Variants in FXYD3 observed in about 807,000 individuals in gnomAD.
FXYD3 encodes FXYD domain-containing ion transport regulator 3.
FXYD3 carries 13 observed loss-of-function variants against 19.2 expected under a neutral mutation model. The observed-to-expected ratio is 0.68, with a 90% CI of 0.44 to 1.08. FXYD3 has a LOEUF of 1.08. Ranked by LOEUF, FXYD3 falls within the 50% of genes least tolerant of loss-of-function variation. The pLI, the probability that FXYD3 is intolerant of heterozygous loss-of-function variation, is 0.00. For missense variants in FXYD3, 101 were observed against 109.4 expected, an observed-to-expected ratio of 0.92 and a Z score of 0.34; for synonymous variants, 48 against 38.9, an observed-to-expected ratio of 1.23 and a Z score of -0.87.
At chr19:35,116,174 A>G in intron 1 of FXYD3, 90 bp from the exon 2 acceptor site, 3 of 980,304 alleles carry the variant, frequency 3.1e-6, no homozygotes, top group Non-Finnish European at 3.6e-6. Flanking sequence ...CCTGCCGCCC[A>G]TGGCTGGGGA....
chr19:35,121,013 C>A, intron 3 of FXYD3, 65 bp from the exon 4 acceptor site: 1 of 1,596,654 alleles, frequency 6.3e-7, no homozygotes, highest in Non-Finnish European at 8.6e-7. Flanking sequence ...CTCCCCAGGC[C>A]CTGCCCAAAG....
intron 2 of FXYD3, chr19:35,119,051 C>T (rs1384846073): frequency 5.5e-6 from 4 of 725,906 alleles, no homozygotes; most frequent in Non-Finnish European, 9.6e-6. Flanking sequence ...GCCTCAGTCT[C>T]CCCATCTGTC....
At chr19:35,119,333 C>T in intron 2 of FXYD3, 30 bp from the exon 3 acceptor site, 1 of 1,613,006 alleles carries the variant, frequency 6.2e-7, no homozygotes, top group Non-Finnish European at 8.5e-7. Context: ...GGTGGCTCTG[C>T]TAAGGCCAGA....
chr19:35,116,599 G>A (rs2064890658), intron 2 of FXYD3: 2 of 985,342 alleles, frequency 2.0e-6, no homozygotes, highest in South Asian at 9.4e-5. Context: ...GGACTGATAA[G>A]TGTGGTTGGG....
chr19:35,116,448 A>G (rs1303143633), intron 2 of FXYD3, 89 bp downstream of exon 2: 24 of 985,250 alleles, frequency 2.4e-5, no homozygotes, highest in Non-Finnish European at 2.5e-5. Context: ...CCTGCCCCAT[A>G]GAAGCTTTTA....
In FXYD3 at chr19:35,117,195, G is replaced by T. The variant is rs905047522; in HGVS notation, c.-15+836G>T. The T allele has an allele frequency of 3.4e-5, 48 of 1,414,560 alleles. No homozygotes were observed. The African/African-American group carries it at 7.1e-4, about 21-fold the overall frequency. 87.6% of individuals were successfully genotyped at this position (1,414,560 alleles called of 1,614,324 possible). On this transcript the variant is annotated intron_variant, in intron 2 of 8. Transcript: ENST00000604404. The stretch of plus-strand genomic sequence containing the variant: ...AACAGCCTGAATGGGGAACGTGAGG[G>T]CAGACCCAGCTCCCGGCTCCCTGCA...
At position 35,116,319 on chromosome 19, in the gene FXYD3, AT is replaced by A. The variant is rs2064884342; in HGVS notation, c.-52del. On this transcript the variant is annotated 5_prime_UTR_variant, in exon 2 of 9. Coordinates refer to ENST00000604404, the MANE Select transcript of FXYD3 (RefSeq NM_005971.4). Reference sequence around the variant, plus strand: ...ACGCAGGACTCCGCCTGGCAGCCCGATTTCTCCCGGAACCTCTGCTCAGCCT... The same window carrying A: ...ACGCAGGACTCCGCCTGGCAGCCCGATTCTCCCGGAACCTCTGCTCAGCCT... The A allele has an allele frequency of 8.1e-6, 8 of 985,268 alleles. No homozygotes were observed. The highest frequency in any genetic ancestry group is 9.6e-6 in the Non-Finnish European group (8 of 829,936). The allele number at this position is 985,268 out of a possible 1,614,324, so 61.0% of individuals were successfully genotyped here. A position where few individuals can be genotyped will look rare whatever the true frequency, so the allele number is the denominator to read the frequency against.
chr19:35,121,605 C>A, intron 5 of FXYD3: 1 of 1,234,210 alleles, frequency 8.1e-7, no homozygotes, highest in Non-Finnish European at 1.1e-6. Context: ...ATGACCTGCT[C>A]CCTACTCCCC....
At chr19:35,116,836 C>A (rs2064899522) in intron 2 of FXYD3, 1 of 985,270 alleles carries the variant, frequency 1.0e-6, no homozygotes, top group Non-Finnish European at 1.2e-6. Flanking sequence ...GGTGTCCAGA[C>A]ATTGAGGGAT....
At position 35,123,270 on chromosome 19, in the gene FXYD3, G is replaced by A. The variant is rs1568389111; in HGVS notation, c.210-1G>A. On this transcript the variant is annotated splice_acceptor_variant, in intron 7 of 8. Transcript: ENST00000604404. LOFTEE classifies it high-confidence loss of function. ...CAATCTCACCACTTTTGTCTCCTTAGTCACCATCCAGGGGAGACTCCACCT... is the reference window on the plus strand; with the variant it reads ...CAATCTCACCACTTTTGTCTCCTTAATCACCATCCAGGGGAGACTCCACCT... The A allele has an allele frequency of 6.3e-7, 1 of 1,595,172 alleles. No individual in the cohort carries two copies.
In FXYD3 at chr19:35,122,820, G is replaced by A. The variant is rs952420960; in HGVS notation, c.153G>A (p.Met51Ile). Reference protein sequence around the residue: ...GLICAGVLCAMGIIIVMSAKC... With the variant: ...GLICAGVLCAIGIIIVMSAKC... Reference sequence around the variant, plus strand: ...TCTGCGCTGGGGTTCTGTGCGCCATGGGCATCATCATCGTCATGAGTGAGT... The same window carrying A: ...TCTGCGCTGGGGTTCTGTGCGCCATAGGCATCATCATCGTCATGAGTGAGT... The change falls in exon 6 of 9, where the codon ATG (methionine) becomes ATA (isoleucine). Residue 51 changes from methionine (M) to isoleucine (I), a missense_variant. By Grantham distance (10) the Met-to-Ile change is conservative (BLOSUM62 1). Coordinates refer to ENST00000604404, the MANE Select transcript of FXYD3 (RefSeq NM_005971.4). The A allele has an allele frequency of 1.9e-5, 31 of 1,613,972 alleles. No homozygotes were observed. Among genetic ancestry groups the A allele is most frequent in the Non-Finnish European group, 2.4e-5 (28 of 1,180,036 alleles).
intron 3 of FXYD3, chr19:35,119,697 G>A (rs1222259354): frequency 2.0e-6 from 1 of 508,624 alleles, no homozygotes; most frequent in Admixed American, 3.6e-5. Flanking sequence ...GTTTTTGAAA[G>A]GGAGTCTCTG....
At chr19:35,118,963 G>C (rs1164109289) in intron 2 of FXYD3, among the ~76,000 whole-genome samples, 1 of 152,202 alleles carries the variant, frequency 6.6e-6, no homozygotes, top group Non-Finnish European at 1.5e-5. Context: ...ACAGTCCCTA[G>C]TTAGGAGCAG....
intron 3 of FXYD3, 129 bp from the exon 4 acceptor site, chr19:35,120,949 G>A (rs143295849): frequency 0.012 from 10,689 of 892,738 alleles, 92 homozygotes; most frequent in Non-Finnish European, 0.013. Flanking sequence ...TGAGGTGGCT[G>A]CTCAGTGACA....
intron 5 of FXYD3, chr19:35,121,537 A>C: frequency 7.1e-7 from 1 of 1,408,424 alleles, no homozygotes; most frequent in Non-Finnish European, 9.2e-7. Flanking sequence ...GACTTGAGAA[A>C]ACTTCCTGGA....
At chr19:35,121,528 A>C in intron 5 of FXYD3, 1 of 1,415,942 alleles carries the variant, frequency 7.1e-7, no homozygotes, top group Non-Finnish European at 9.2e-7. Flanking sequence ...AGAAGTGTTG[A>C]CTTGAGAAAA....
Position 35,116,345 on chromosome 19 carries a change from TGGTGAACCACACA to T in FXYD3, c.-23_-15+4del. The T allele has an allele frequency of 1.0e-6, 1 of 985,520 alleles. No homozygotes were observed. Among genetic ancestry groups the T allele is most frequent in the Non-Finnish European group, 1.2e-6 (1 of 829,974 alleles). The allele number at this position is 985,520 out of a possible 1,614,324, so 61.0% of individuals were successfully genotyped here. ...TTTCTCCCGGAACCTCTGCTCAGCC[TGGTGAACCACACA>T]GGTGAGCAGCTGGGGCCCCTTCCTC... is the stretch of plus-strand genomic sequence containing the variant. On this transcript the variant is annotated splice_region_variant and 5_prime_UTR_variant, in exon 2 of 9. Transcript: ENST00000604404.
chr19:35,120,376 G>A (rs958414840), intron 3 of FXYD3, among the ~76,000 whole-genome samples: 1 of 152,106 alleles, frequency 6.6e-6, no homozygotes, highest in South Asian at 2.1e-4. Flanking sequence ...CTGACCTCAA[G>A]TGATCCTCCT....
At chr19:35,118,229 G>T (rs952494393) in intron 2 of FXYD3, 30 of 153,884 alleles carry the variant, frequency 1.9e-4, no homozygotes, top group Admixed American at 7.2e-4. Context: ...GGTGGCACAC[G>T]CCTGTAGTCT....
Sources: allele counts gnomAD v4.1 joint callset (sites outside exome capture counted in the v4.1 genomes callset), GRCh38; gene constraint gnomAD v4.1.1; transcripts MANE v1.5; gene names NCBI Gene and HGNC (gene_info 2026-07-23, HGNC 2026-07-21).